SIGLEC12: variants seen among roughly 807,000 people sequenced by gnomAD.
SIGLEC12 encodes the protein sialic acid-binding Ig-like lectin 12.
Under a neutral mutation model 54.1 loss-of-function variants are expected in SIGLEC12, and 43 were observed. That is an observed-to-expected ratio of 0.80 (90% CI 0.62 to 1.03). The LOEUF is 1.03. Ranked by LOEUF, SIGLEC12 falls within the 50% of genes least tolerant of loss-of-function variation. SIGLEC12 has a pLI of 0.00. For missense variants in SIGLEC12, 802 were observed against 735.2 expected (o/e 1.09, Z -1.05); for synonymous variants, 357 against 307.6 (o/e 1.16, Z -1.68).
Position 51,491,488 on chromosome 19 carries a change from T to A in SIGLEC12, c.*153A>T, listed in dbSNP as rs1377495737. 1 of 718,730 alleles carries A rather than the reference T, an allele frequency of 1.4e-6. No individual in the cohort carries two copies. The highest frequency in any genetic ancestry group is 2.3e-6 in the Non-Finnish European group (1 of 435,424). 44.5% of individuals were successfully genotyped at this position (718,730 alleles called of 1,614,324 possible). On this transcript the variant is annotated 3_prime_UTR_variant, in exon 8 of 8. Coordinates refer to ENST00000291707, the MANE Select transcript of SIGLEC12 (RefSeq NM_053003.4). ...TTGGATGGAGAAAGGGAGAGTTTGG[T>A]CATCAGGCACGCATTTTCAGTTTGA...
In SIGLEC12 at chr19:51,500,016, C is replaced by A; in HGVS notation, c.712G>T (p.Ala238Ser). The change falls in exon 2 of 8, where the codon GCC becomes TCC. Residue 238 changes from alanine to serine, a missense_variant. Ala to Ser is a moderately conservative substitution (Grantham distance 99). Coordinates refer to ENST00000291707, the MANE Select transcript of SIGLEC12 (RefSeq NM_053003.4). ...TNNCSLSIRD[A>S]RKGDSGKYYF... ...TACTTCCCTGAATCCCCCTTCCTGGCATCTCTGATGCTCAGGGAGCAGTTG... is the reference window on the plus strand; with the variant it reads ...TACTTCCCTGAATCCCCCTTCCTGGAATCTCTGATGCTCAGGGAGCAGTTG... 6.2e-7 allele frequency: 1 copy of A among 1,614,194 alleles called. No homozygotes were observed. Among genetic ancestry groups the A allele is most frequent in the Middle Eastern group, 1.6e-4 (1 of 6,062 alleles).
intron 7 of SIGLEC12, 58 bp from the exon 8 acceptor site, chr19:51,491,887 G>C (rs934506464): frequency 5.7e-6 from 8 of 1,402,196 alleles, no homozygotes; most frequent in East Asian, 4.8e-5. Flanking sequence ...ATGCACCAGA[G>C]AGCATCCAGG....
At chr19:51,501,215 C>A (rs3810108) in intron 1 of SIGLEC12, 92 bp downstream of exon 1, 2 of 1,376,814 alleles carry the variant, frequency 1.5e-6, no homozygotes, top group South Asian at 2.6e-5. Context: ...CCATCACCCC[C>A]GGCCCCCTCC....
Position 51,498,196 on chromosome 19 carries a change from GGC to G in SIGLEC12, c.1225_1226del (p.Ala409GlnfsTer32). On this transcript the variant is annotated frameshift_variant, in exon 5 of 8. Transcript: ENST00000291707. LOFTEE classifies it high-confidence loss of function. Reference protein sequence around the residue: ...LVCAVDSNPPARLSWTWGSLT... With the variant: ...LVCAVDSNPPXRLSWTWGSLT... ...GGCTCCCCCAGGTCCAGCTCAGCCT[GGC>G]AGGGGGATTGCTGTCGACAGCACAG... is the stretch of plus-strand genomic sequence containing the variant. The G allele has an allele frequency of 6.2e-7, 1 of 1,614,192 alleles. No homozygotes were observed. The highest frequency in any genetic ancestry group is 8.5e-7 in the Non-Finnish European group (1 of 1,179,992).
chr19:51,497,910 A>C, intron 5 of SIGLEC12, 108 bp downstream of exon 5: 1 of 1,484,754 alleles, frequency 6.7e-7, no homozygotes, highest in Admixed American at 2.1e-5. Context: ...ACTGCTTGGC[A>C]GCAAGAGGAC....
In SIGLEC12 at chr19:51,498,206, T is replaced by C. The variant is rs770705700; in HGVS notation, c.1217A>G (p.Asn406Ser). The change falls in exon 5 of 8, where the codon AAT becomes AGT. Residue 406 changes from asparagine (N) to serine (S), a missense_variant. Physicochemically the swap from Asn to Ser is conservative, Grantham distance 46. Transcript: ENST00000291707. Reference protein sequence around the residue: ...SLHLVCAVDSNPPARLSWTWG... With the variant: ...SLHLVCAVDSSPPARLSWTWG... ...GGTCCAGCTCAGCCTGGCAGGGGGA[T>C]TGCTGTCGACAGCACAGACAAGGTG... The C allele has an allele frequency of 1.9e-6, 3 of 1,614,084 alleles. No homozygotes were observed. The highest frequency in any genetic ancestry group is 2.5e-6 in the Non-Finnish European group (3 of 1,179,962).
intron 4 of SIGLEC12, among the ~76,000 whole-genome samples, chr19:51,498,933 G>T (rs1163943000): frequency 6.6e-6 from 1 of 152,196 alleles, no homozygotes; most frequent in African/African-American, 2.4e-5. Context: ...TCCTTGAGCT[G>T]CTGTGTGAAT....
At chr19:51,501,017 G>A (rs1990379222) in intron 1 of SIGLEC12, among the ~76,000 whole-genome samples, 1 of 152,166 alleles carries the variant, frequency 6.6e-6, no homozygotes, top group South Asian at 2.1e-4. Context: ...CCCCGGCCAT[G>A]CCTAGGACAG....
At chr19:51,499,366 G>T in intron 3 of SIGLEC12, 72 bp downstream of exon 3, 3 of 1,542,368 alleles carry the variant, frequency 1.9e-6, no homozygotes, top group Non-Finnish European at 1.8e-6. Context: ...AGATCCTTGA[G>T]TCTGGGTCCC....
At chr19:51,496,203 C>T (rs931385714) in intron 7 of SIGLEC12, among the ~76,000 whole-genome samples, 9 of 152,214 alleles carry the variant, frequency 5.9e-5, no homozygotes, top group African/African-American at 2.2e-4. Context: ...GGCGCGGTGG[C>T]TCACGCCTAT....
intron 7 of SIGLEC12, among the ~76,000 whole-genome samples, chr19:51,495,197 A>ACGGACGGG (rs1990194927): frequency 7.8e-6 from 1 of 127,626 alleles, no homozygotes; most frequent in African/African-American, 3.0e-5. Context: ...GGATGGATGG[A>ACGGACGGG]TGGACGGACG....
intron 7 of SIGLEC12, among the ~76,000 whole-genome samples, chr19:51,492,568 G>A (rs1990134388): frequency 6.6e-6 from 1 of 152,202 alleles, no homozygotes. Flanking sequence ...GATGGAATTA[G>A]GTTAAGGATA....
chr19:51,497,155 G>A (rs146312906), intron 6 of SIGLEC12, among the ~76,000 whole-genome samples, 179 bp from the exon 7 acceptor site: 1 of 152,180 alleles, frequency 6.6e-6, no homozygotes, highest in East Asian at 1.9e-4. Context: ...TGGGCAGTAG[G>A]GTCTGAGGTT....
intron 7 of SIGLEC12, 133 bp downstream of exon 7, chr19:51,496,747 G>A: frequency 1.1e-6 from 1 of 928,584 alleles, no homozygotes; most frequent in Non-Finnish European, 1.7e-6. Context: ...GCTGTTCTTA[G>A]GAGGAAAAAG....
At position 51,491,470 on chromosome 19, in the gene SIGLEC12, G is replaced by A. The variant is rs1035618069; in HGVS notation, c.*171C>T. ...GCGGGGAGTGTGGACCGATTGGATGGAGAAAGGGAGAGTTTGGTCATCAGG... is the reference window on the plus strand; with the variant it reads ...GCGGGGAGTGTGGACCGATTGGATGAAGAAAGGGAGAGTTTGGTCATCAGG... On this transcript the variant is annotated 3_prime_UTR_variant, in exon 8 of 8. Coordinates refer to ENST00000291707, the MANE Select transcript of SIGLEC12 (RefSeq NM_053003.4). 2 of 638,396 alleles carry A rather than the reference G, an allele frequency of 3.1e-6. No homozygotes were observed. Among genetic ancestry groups the A allele is most frequent in the Admixed American group, 5.6e-5 (2 of 35,730 alleles). The allele number at this position is 638,396 out of a possible 1,614,324, so 39.5% of individuals were successfully genotyped here.
intron 2 of SIGLEC12, 22 bp from the exon 3 acceptor site, chr19:51,499,738 GC>G (rs770960105): frequency 3.8e-5 from 61 of 1,611,758 alleles, no homozygotes; most frequent in Non-Finnish European, 4.7e-5. Context: ...AGGGAGACAG[GC>G]AAAATGAGGG....
chr19:51,497,571 C>G, intron 5 of SIGLEC12, 126 bp from the exon 6 acceptor site: 1 of 640,040 alleles, frequency 1.6e-6, no homozygotes. Flanking sequence ...AGAACAAGGA[C>G]GGAAGGGAAC....
chr19:51,491,460 C>G lies in SIGLEC12; in HGVS notation c.*181G>C, dbSNP rs998809524. ...GAGGCCGGGGGCGGGGAGTGTGGAC[C>G]GATTGGATGGAGAAAGGGAGAGTTT... On this transcript the variant is annotated 3_prime_UTR_variant, in exon 8 of 8. Transcript: ENST00000291707. The G allele has an allele frequency of 5.0e-6, 3 of 604,608 alleles. No individual in the cohort carries two copies. The East Asian group carries it at 9.0e-5, about 18-fold the overall frequency. 37.5% of individuals were successfully genotyped at this position (604,608 alleles called of 1,614,324 possible).
Position 51,500,141 on chromosome 19 carries a change from T to A in SIGLEC12, c.587A>T (p.Asp196Val). The A allele has an allele frequency of 6.2e-7, 1 of 1,614,106 alleles. No individual in the cohort carries two copies. Among genetic ancestry groups the A allele is most frequent in the Non-Finnish European group, 8.5e-7 (1 of 1,180,012 alleles). Residue 196 changes from aspartate to valine, a missense_variant, in exon 2 of 8, where the codon GAT becomes GTT. Asp to Val is a radical substitution (Grantham distance 152). Coordinates refer to ENST00000291707, the MANE Select transcript of SIGLEC12 (RefSeq NM_053003.4). ...GGCCACTGGAATATCCCATGGTATA[T>A]CGGCCCCTTCCTTGAACCAGGATCC... Reference protein sequence around the residue: ...VYGSWFKEGADIPWDIPVATN... With the variant: ...VYGSWFKEGAVIPWDIPVATN...
Sources: gnomAD v4.1 joint callset for allele counts (sites outside exome capture counted in the v4.1 genomes callset) on GRCh38, gnomAD v4.1.1 for gene constraint, MANE v1.5 for transcripts, NCBI Gene and HGNC (gene_info 2026-07-23, HGNC 2026-07-21) for gene names.